CAPN5: variants seen among roughly 807,000 people sequenced by gnomAD.
The protein encoded by CAPN5 is calpain-5.
Under a neutral mutation model 73.0 loss-of-function variants are expected in CAPN5, and 54 were observed. The observed-to-expected ratio is 0.74, with a 90% CI of 0.59 to 0.93. The LOEUF is 0.93. CAPN5 is among the 40% of genes least tolerant of loss of function. CAPN5 has a pLI of 0.00. For synonymous variants in CAPN5, 335 were observed against 356.9 expected, an observed-to-expected ratio of 0.94 and a Z score of 0.69; for missense variants, 785 against 882.9, an observed-to-expected ratio of 0.89 and a Z score of 1.41.
intron 2 of CAPN5, chr11:77,087,901 A>G: frequency 6.5e-7 from 1 of 1,535,664 alleles, no homozygotes; most frequent in Non-Finnish European, 8.7e-7. Context: ...TTCAGCCCAC[A>G]CCCTTCACCC....
chr11:77,116,144 C>A, intron 6 of CAPN5, 82 bp from the exon 7 acceptor site: 1 of 1,313,714 alleles, frequency 7.6e-7, no homozygotes. Context: ...GCCCCTCGTG[C>A]CTCCTCGCCT....
chr11:77,082,239 T>C (rs1412105713), intron 1 of CAPN5, among the ~76,000 whole-genome samples: 2 of 151,980 alleles, frequency 1.3e-5, no homozygotes, highest in Non-Finnish European at 2.9e-5. Context: ...ATGGTGGGGA[T>C]GAGACTGGCA....
At chr11:77,103,579 G>A (rs1413199432) in intron 3 of CAPN5, among the ~76,000 whole-genome samples, 7 of 152,168 alleles carry the variant, frequency 4.6e-5, no homozygotes, top group Non-Finnish European at 8.8e-5. Flanking sequence ...TGCTATAGAC[G>A]ATAGAGGCCT....
intron 1 of CAPN5, among the ~76,000 whole-genome samples, chr11:77,077,226 G>A (rs1565255889): frequency 6.6e-6 from 1 of 151,980 alleles, no homozygotes; most frequent in South Asian, 2.1e-4. Context: ...GCATGGTGGC[G>A]CATGCCTGTA....
At chr11:77,105,582 G>A (rs1280535121) in intron 3 of CAPN5, among the ~76,000 whole-genome samples, 1 of 152,182 alleles carries the variant, frequency 6.6e-6, no homozygotes, top group African/African-American at 2.4e-5. Context: ...GAGAGGTGGG[G>A]TGAGGTCCGG....
intron 1 of CAPN5, among the ~76,000 whole-genome samples, chr11:77,076,136 C>A (rs1369103384): frequency 6.6e-6 from 1 of 152,070 alleles, no homozygotes; most frequent in Non-Finnish European, 1.5e-5. Context: ...CCAAGGCAGG[C>A]AGATCACTGG....
chr11:77,123,888 G>T lies in CAPN5; in HGVS notation c.*18G>T, dbSNP rs1555043391. 6.2e-7 allele frequency: 1 copy of T among 1,607,882 alleles called. No homozygotes were observed. Among genetic ancestry groups the T allele is most frequent in the Admixed American group, 1.7e-5 (1 of 59,862 alleles). ...CTGTCTGACACCTGCCCACCTACCT[G>T]GCTCTGACCGTTCCCACCACCATCT... On this transcript the variant is annotated 3_prime_UTR_variant, in exon 13 of 13. Transcript: ENST00000648180.
chr11:77,099,676 C>A lies in CAPN5; in HGVS notation c.297+5863C>A, dbSNP rs1950262788. 2.7e-5 allele frequency among the ~76,000 whole-genome samples: 4 copies of A among 150,248 alleles called. No homozygotes were observed. The South Asian group carries it at 8.4e-4, about 32-fold the overall frequency. On this transcript the variant is annotated intron_variant, in intron 3 of 12. Transcript: ENST00000648180. ...TGAGCCGAGATGGCAGCAGTACAGT[C>A]CAGCTTCGGCTCCACATGAGAGGGA... is the stretch of plus-strand genomic sequence containing the variant.
Position 77,120,692 on chromosome 11 carries a change from A to G in CAPN5, c.1291-21A>G. 6 of 1,582,326 alleles carry G rather than the reference A, an allele frequency of 3.8e-6. No individual in the cohort carries two copies. In the South Asian group the frequency reaches 6.8e-5, roughly 18 times the overall value. On this transcript the variant is annotated intron_variant, in intron 9 of 12. Transcript: ENST00000648180. ...TGTAGGGTGTGTCTCCGCGTGGCCCAGCCCCTCCCGCCTCCTGCAGGTGGA... is the reference window on the plus strand; with the variant it reads ...TGTAGGGTGTGTCTCCGCGTGGCCCGGCCCCTCCCGCCTCCTGCAGGTGGA...
chr11:77,123,949 C>A lies in CAPN5; in HGVS notation c.*79C>A. 1 of 1,389,902 alleles carries A rather than the reference C, an allele frequency of 7.2e-7. No individual in the cohort carries two copies. Among genetic ancestry groups the A allele is most frequent in the Non-Finnish European group, 1.0e-6 (1 of 1,003,484 alleles). The allele number at this position is 1,389,902 out of a possible 1,614,324, so 86.1% of individuals were successfully genotyped here. A position where few individuals can be genotyped will look rare whatever the true frequency, so the allele number is the denominator to read the frequency against. On this transcript the variant is annotated 3_prime_UTR_variant, in exon 13 of 13. Transcript: ENST00000648180. ...ACTGGGCCTGAGTCTAGCCTGGGAGCCAGGATACTGGGGTCCTTTTCCCAC... is the reference window on the plus strand; with the variant it reads ...ACTGGGCCTGAGTCTAGCCTGGGAGACAGGATACTGGGGTCCTTTTCCCAC...
intron 1 of CAPN5, 113 bp from the exon 2 acceptor site, chr11:77,084,713 AGCTGTGTGACCTTGGGTAGGCTCCAC>A: frequency 1.4e-6 from 1 of 697,028 alleles, no homozygotes; most frequent in Non-Finnish European, 2.5e-6. Flanking sequence ...GCTGTATACC[AGCTGTGTGACCTTGGGTAGGCTCCAC>A]GCCTCGCTGA....
intron 3 of CAPN5, chr11:77,102,834 T>G (rs1555039089): frequency 6.4e-7 from 1 of 1,570,844 alleles, no homozygotes; most frequent in Non-Finnish European, 8.6e-7. Context: ...CAGCAGCACT[T>G]GGGCCATGGC....
In CAPN5 at chr11:77,112,729, G is replaced by A. The variant is rs1047987593; in HGVS notation, c.438G>A (p.Gln146=). 6.2e-6 allele frequency: 10 copies of A among 1,614,144 alleles called. No homozygotes were observed. Among genetic ancestry groups the A allele is most frequent in the African/African-American group, 1.3e-5 (1 of 74,958 alleles). ...ACCGGCTGCCCACAGTCAACAACCA[G>A]CTCATCTACTGCCACTCCAACTCCC... ...IDDRLPTVNN[Q]LIYCHSNSRN... The change falls in exon 4 of 13, where the codon CAG becomes CAA. Residue 146 remains glutamine (Q), a synonymous_variant. Coordinates refer to ENST00000648180, the MANE Select transcript of CAPN5 (RefSeq NM_004055.5).
intron 2 of CAPN5, chr11:77,087,986 TGCACGGAGA>T: frequency 6.5e-7 from 1 of 1,535,648 alleles, no homozygotes. Flanking sequence ...GCTGGGGAGA[TGCACGGAGA>T]ATGGAGAATG....
intron 2 of CAPN5, among the ~76,000 whole-genome samples, 192 bp from the exon 3 acceptor site, chr11:77,093,490 G>A (rs2135435208): frequency 6.6e-6 from 1 of 152,342 alleles, no homozygotes; most frequent in Non-Finnish European, 1.5e-5. Flanking sequence ...CAGGACCGCG[G>A]GGTGGGGGGC....
chr11:77,097,483 T>TTG (rs1565266528), intron 3 of CAPN5, among the ~76,000 whole-genome samples: 3 of 141,492 alleles, frequency 2.1e-5, no homozygotes, highest in Non-Finnish European at 4.6e-5. Flanking sequence ...TTTTTTTTTT[T>TTG]TTTTTTATTG....
At position 77,115,584 on chromosome 11, in the gene CAPN5, G is replaced by T; in HGVS notation, c.889G>T (p.Asp297Tyr). Residue 297 changes from aspartate to tyrosine, a missense_variant, in exon 6 of 13, where the codon GAC becomes TAC. Transcript: ENST00000648180. ...GEREWNGPWS[D>Y]TSEEWQKVSK... ...GCGGGAGTGGAACGGGCCCTGGAGTGACACGTGAGGCCTGGGGATGGGGGT... is the reference window on the plus strand; with the variant it reads ...GCGGGAGTGGAACGGGCCCTGGAGTTACACGTGAGGCCTGGGGATGGGGGT... 1 of 1,606,810 alleles carries T rather than the reference G, an allele frequency of 6.2e-7. No homozygotes were observed. The highest frequency in any genetic ancestry group is 8.5e-7 in the Non-Finnish European group (1 of 1,175,700).
intron 3 of CAPN5, among the ~76,000 whole-genome samples, chr11:77,106,664 G>A (rs1950351417): frequency 6.6e-6 from 1 of 152,198 alleles, no homozygotes; most frequent in Admixed American, 6.5e-5. Flanking sequence ...CGAGCTTCCC[G>A]GAGCCTGCAC....
rs75210033 is a variant in CAPN5, at chr11:77,108,328, G to A, written c.298-4261G>A. On this transcript the variant is annotated intron_variant, in intron 3 of 12. Transcript: ENST00000648180. ...GGAAAGGGGCTGCCTGACTGTTGGG[G>A]GGGTGCTCAGCAGAAGGTGCCTCAA... is the stretch of plus-strand genomic sequence containing the variant. Among the ~76,000 whole-genome samples the A allele has an allele frequency of 2.6e-3, 390 of 152,304 alleles. 2 individuals carry two copies. Among genetic ancestry groups the A allele is most frequent in the African/African-American group, 9.0e-3 (373 of 41,560 alleles).
Sources: gnomAD v4.1 joint callset for allele counts (sites outside exome capture counted in the v4.1 genomes callset) on GRCh38, gnomAD v4.1.1 for gene constraint, MANE v1.5 for transcripts, NCBI Gene and HGNC (gene_info 2026-07-23, HGNC 2026-07-21) for gene names.